MYO15B: variants seen among roughly 807,000 people sequenced by gnomAD.
MYO15B encodes the protein myosin XVB pseudogene.
Under a neutral mutation model 119.3 loss-of-function variants are expected in MYO15B, and 207 were observed. The observed-to-expected ratio is 1.73, with a 90% CI of 1.55 to 1.95. The LOEUF (loss-of-function observed/expected upper bound fraction) is 1.95. MYO15B is among the 30% of genes most tolerant of loss of function. MYO15B has a pLI of 0.00. For synonymous variants in MYO15B, 966 were observed against 498.9 expected (o/e 1.94, Z -12.48); for missense variants, 2,264 against 1,203.1 (o/e 1.88, Z -13.04).
chr17:75,614,274 C>T lies in MYO15B; in HGVS notation c.5295C>T (p.Cys1765=), dbSNP rs780173274. The change falls in exon 30 of 64, where the codon TGC becomes TGT. Residue 1765 remains cysteine, a synonymous_variant. Transcript: ENST00000645453. ...ACGCATGGCAGGACTTGGCTGGCTG[C>T]GACTTTGTGCTGGACCTGATCAGCC... is the stretch of plus-strand genomic sequence containing the variant. 1.5e-4 allele frequency: 106 copies of T among 702,826 alleles called. 1 individual carries two copies. The highest frequency in any genetic ancestry group is 1.5e-3 in the South Asian group (99 of 67,602). 43.5% of individuals were successfully genotyped at this position (702,826 alleles called of 1,614,324 possible). A position where few individuals can be genotyped will look rare whatever the true frequency, so the allele number is the denominator to read the frequency against.
Position 75,616,349 on chromosome 17 carries a change from G to A in MYO15B, c.6147G>A (p.Pro2049=), listed in dbSNP as rs116195330. The change falls in exon 38 of 64, where the codon CCG becomes CCA. Residue 2049 remains proline (P), a synonymous_variant. Transcript: ENST00000645453. ...TCACAGTGAGGACGATGAAGCCCCC[G>A]GCCAAGGTCCACATCCCCCAGGGGG... 473 of 610,100 alleles carry A rather than the reference G, an allele frequency of 7.8e-4. 5 individuals are homozygous for A. The East Asian group carries it at 0.011, about 14-fold the overall frequency. 37.8% of individuals were successfully genotyped at this position (610,100 alleles called of 1,614,324 possible).
At chr17:75,616,128 G>A in exon 37 of MYO15B, 2 of 563,910 alleles carry the variant, frequency 3.5e-6, no homozygotes, top group Non-Finnish European at 6.3e-6. Flanking sequence ...AGCAGAAACG[G>A]AACTATTTCC....
chr17:75,620,736 AC>A (rs1268271082), intron 49 of MYO15B, 100 bp downstream of exon 49: 1 of 694,956 alleles, frequency 1.4e-6, no homozygotes, highest in East Asian at 2.7e-5. Context: ...CGGTGGGACC[AC>A]CCTGCTGTCC....
chr17:75,626,279 GCCCCAGCATGGCGTGCAGTGGGAGC>G, intron 63 of MYO15B, 51 bp downstream of exon 63: 1 of 699,606 alleles, frequency 1.4e-6, no homozygotes, highest in Non-Finnish European at 2.6e-6. Flanking sequence ...TGAGGGCCTT[GCCCCAGCATGGCGTGCAGTGGGAGC>G]CCAGGCCCAG....
chr17:75,619,223 G>A lies in MYO15B; in HGVS notation c.7063+5G>A. 1.4e-6 allele frequency: 1 copy of A among 702,826 alleles called. No homozygotes were observed. Among genetic ancestry groups the A allele is most frequent in the Non-Finnish European group, 2.6e-6 (1 of 384,986 alleles). The allele number at this position is 702,826 out of a possible 1,614,324, so 43.5% of individuals were successfully genotyped here. On this transcript the variant is annotated splice_donor_5th_base_variant and intron_variant, in intron 44 of 63. Transcript: ENST00000645453. ...GGAAAATGAAAGACCTGCTGGGTAT[G>A]GGTCCAGGGACCATGGAGTTGGGAG...
At chr17:75,603,122 A>C in intron 18 of MYO15B, 45 bp downstream of exon 18, 2 of 701,494 alleles carry the variant, frequency 2.9e-6, no homozygotes, top group Non-Finnish European at 5.2e-6. Flanking sequence ...CCCTCCCTGC[A>C]CCTCCCTCCC....
intron 19 of MYO15B, 97 bp from the exon 20 acceptor site, chr17:75,605,407 C>T (rs767397346): frequency 2.2e-5 from 14 of 633,086 alleles, no homozygotes; most frequent in Middle Eastern, 4.1e-4. Context: ...ACTGTACTCC[C>T]GCCTGGGCAA....
chr17:75,599,778 C>G (rs963687364), intron 14 of MYO15B, among the ~76,000 whole-genome samples: 1 of 150,830 alleles, frequency 6.6e-6, no homozygotes, highest in African/African-American at 2.4e-5. Flanking sequence ...GCCTGTAGTC[C>G]CAGCTACTCG....
chr17:75,591,531 A>C, intron 4 of MYO15B, 70 bp from the exon 5 acceptor site: 1 of 698,068 alleles, frequency 1.4e-6, no homozygotes, highest in Admixed American at 2.0e-5. Flanking sequence ...GGCACATCCC[A>C]CTTCCTGGGT....
intron 53 of MYO15B, among the ~76,000 whole-genome samples, chr17:75,622,287 G>C (rs1317891495): frequency 1.3e-5 from 2 of 152,240 alleles, no homozygotes; most frequent in African/African-American, 2.4e-5. Flanking sequence ...CTGGGAGTGA[G>C]AGGTCACTGG....
rs568188907 is a variant in MYO15B at position 75,625,837 on chromosome 17, C to A, written c.8939-7C>A. Reference sequence around the variant, plus strand: ...AGATTTCCTGCCTGCACCCTCTCCACCCGCAGAGGCCATGAGCCAGCTGCC... The same window carrying A: ...AGATTTCCTGCCTGCACCCTCTCCAACCGCAGAGGCCATGAGCCAGCTGCC... On this transcript the variant is annotated splice_region_variant and splice_polypyrimidine_tract_variant and intron_variant, in intron 61 of 63. Coordinates refer to ENST00000645453, the Ensembl canonical transcript of MYO15B. The A allele has an allele frequency of 1.4e-6, 1 of 702,710 alleles. No homozygotes were observed. Among genetic ancestry groups the A allele is most frequent in the East Asian group, 2.7e-5 (1 of 37,292 alleles). The allele number at this position is 702,710 out of a possible 1,614,324, so 43.5% of individuals were successfully genotyped here. A position where few individuals can be genotyped will look rare whatever the true frequency, so the allele number is the denominator to read the frequency against.
chr17:75,598,310 G>A (rs1238179297), intron 14 of MYO15B, among the ~76,000 whole-genome samples: 2 of 151,522 alleles, frequency 1.3e-5, no homozygotes, highest in Non-Finnish European at 2.9e-5. Context: ...CAGGCGCGGT[G>A]GCTCACGCCT....
chr17:75,605,436 T>TAAAA (rs35859106), intron 19 of MYO15B, 68 bp from the exon 20 acceptor site: 209 of 557,272 alleles, frequency 3.8e-4, no homozygotes, highest in South Asian at 5.1e-4. Flanking sequence ...GACTCCGTCT[T>TAAAA]AAAAAAAAAA....
chr17:75,605,496 T>C lies in MYO15B; in HGVS notation c.4017-8T>C, dbSNP rs2147895881. 1 of 701,802 alleles carries C rather than the reference T, an allele frequency of 1.4e-6. No individual in the cohort carries two copies. Among genetic ancestry groups the C allele is most frequent in the East Asian group, 2.7e-5 (1 of 37,248 alleles). The allele number at this position is 701,802 out of a possible 1,614,324, so 43.5% of individuals were successfully genotyped here. A position where few individuals can be genotyped will look rare whatever the true frequency, so the allele number is the denominator to read the frequency against. The stretch of plus-strand genomic sequence containing the variant: ...GCTATTCTGATCTCAGCTCCATCCT[T>C]GGAGCAGCTTCCAGGCCCTGGGGTC... On this transcript the variant is annotated splice_polypyrimidine_tract_variant and splice_region_variant and intron_variant, in intron 19 of 63. Coordinates refer to ENST00000645453, the Ensembl canonical transcript of MYO15B.
exon 30 of MYO15B, chr17:75,614,328 C>T (rs935625811): frequency 1.4e-6 from 1 of 702,820 alleles, no homozygotes; most frequent in Non-Finnish European, 2.6e-6. Context: ...ACCCAGCTCG[C>T]CCCCGCAGCT....
exon 30 of MYO15B, chr17:75,614,253 A>G (rs992637257): frequency 2.7e-5 from 19 of 702,344 alleles, no homozygotes; most frequent in Middle Eastern, 2.3e-4. Flanking sequence ...CCAGGGACGC[A>G]TGGCAGGACT....
intron 14 of MYO15B, among the ~76,000 whole-genome samples, chr17:75,599,424 G>A (rs1306614627): frequency 6.6e-6 from 1 of 151,886 alleles, no homozygotes; most frequent in Non-Finnish European, 1.5e-5. Flanking sequence ...ACAGGCACCC[G>A]CCACCATGCT....
At chr17:75,614,265 G>A in exon 30 of MYO15B, 1 of 702,800 alleles carries the variant, frequency 1.4e-6, no homozygotes, top group Non-Finnish European at 2.6e-6. Context: ...GGCAGGACTT[G>A]GCTGGCTGCG....
rs1197474921 is a variant in MYO15B, at chr17:75,624,407, C to CG, written c.8411dup (p.Val2805CysfsTer4). 3.8e-5 allele frequency: 27 copies of CG among 702,342 alleles called. No homozygotes were observed. In the Middle Eastern group the frequency reaches 9.1e-4, roughly 24 times the overall value. 43.5% of individuals were successfully genotyped at this position (702,342 alleles called of 1,614,324 possible). On this transcript the variant is annotated frameshift_variant, in exon 57 of 64. Coordinates refer to ENST00000645453, the Ensembl canonical transcript of MYO15B. LOFTEE classifies it high-confidence loss of function. ...ATTCGCCTGCTTCTTATTCACCTGCCGGGGGGTGTGGATTATAGGACGAAT... is the reference window on the plus strand; with the variant it reads ...ATTCGCCTGCTTCTTATTCACCTGCCGGGGGGGTGTGGATTATAGGACGAAT...
Sources: allele counts gnomAD v4.1 joint callset (sites outside exome capture counted in the v4.1 genomes callset), GRCh38; gene constraint gnomAD v4.1.1; transcripts MANE v1.5; gene names NCBI Gene and HGNC (gene_info 2026-07-23, HGNC 2026-07-21).